Variants in TMEM223 observed in about 807,000 individuals in gnomAD.
TMEM223 encodes transmembrane protein 223.
In TMEM223, 14 loss-of-function variants were observed where a neutral mutation model predicts 14.1. The ratio of observed to expected loss-of-function variants is 0.99; its 90% CI spans 0.66 to 1.55. TMEM223 has a LOEUF of 1.55. Among genes scored for constraint, TMEM223 ranks in the 40% most tolerant of loss-of-function variants. The probability of loss-of-function intolerance (pLI) is 0.00; values close to 1 mark genes in which losing one functional copy is unlikely to be tolerated. For synonymous variants in TMEM223, 145 were observed against 120.5 expected, an observed-to-expected ratio of 1.20 and a Z score of -1.33; for missense variants, 346 against 269.9, an observed-to-expected ratio of 1.28 and a Z score of -1.97.
chr11:62,787,630 G>A (rs2084302930), downstream of TMEM223: 2 of 1,376,238 alleles, frequency 1.5e-6, no homozygotes, highest in Non-Finnish European at 1.9e-6. Flanking sequence ...CTCGGAGCCG[G>A]TGGACCTGGT....
intron 1 of TMEM223, 138 bp downstream of exon 1, chr11:62,791,541 C>T: frequency 1.7e-6 from 2 of 1,146,584 alleles, no homozygotes; most frequent in Admixed American, 2.9e-5. Context: ...CCGCGCCCGG[C>T]CAGTGTTTCA....
Position 62,790,099 on chromosome 11 carries a change from T to TA in TMEM223, c.*523dup. 1 of 1,507,492 alleles carries TA rather than the reference T, an allele frequency of 6.6e-7. No individual in the cohort carries two copies. The highest frequency in any genetic ancestry group is 8.9e-7 in the Non-Finnish European group (1 of 1,126,516). The allele number at this position is 1,507,492 out of a possible 1,614,324, so 93.4% of individuals were successfully genotyped here. A position where few individuals can be genotyped will look rare whatever the true frequency, so the allele number is the denominator to read the frequency against. ...CGAAGACTCCATGCCCAAGTGCCTGTAATCCCCCCCCTCAAGGCCCTGTTT... is the reference window on the plus strand; with the variant it reads ...CGAAGACTCCATGCCCAAGTGCCTGTAAATCCCCCCCCTCAAGGCCCTGTTT... On this transcript the variant is annotated 3_prime_UTR_variant, in exon 2 of 2. Coordinates refer to ENST00000307366, the MANE Select transcript of TMEM223 (RefSeq NM_001080501.3).
intron 1 of TMEM223, among the ~76,000 whole-genome samples, chr11:62,779,976 AT>A (rs1277954265): frequency 0.14 from 7,198 of 52,578 alleles, 619 homozygotes; most frequent in South Asian, 0.36. Context: ...ATATATATAT[AT>A]TTTTTTTTTT....
downstream of TMEM223, among the ~76,000 whole-genome samples, chr11:62,788,707 A>G (rs901388031): frequency 1.3e-5 from 2 of 150,494 alleles, no homozygotes; most frequent in African/African-American, 2.4e-5. Flanking sequence ...CCTCACAGAT[A>G]GTTATTTGTT....
downstream of TMEM223, chr11:62,789,691 G>A: frequency 2.0e-6 from 3 of 1,534,572 alleles, no homozygotes; most frequent in Non-Finnish European, 2.6e-6. Context: ...TGAGACCCAA[G>A]GATAGGAGGA....
chr11:62,787,467 G>T, downstream of TMEM223: 1 of 1,576,034 alleles, frequency 6.3e-7, no homozygotes, highest in Non-Finnish European at 8.6e-7. Context: ...TCGAGCTTGC[G>T]CTCTTTGCTG....
downstream of TMEM223, chr11:62,786,349 G>C: frequency 6.2e-7 from 1 of 1,614,134 alleles, no homozygotes; most frequent in Non-Finnish European, 8.5e-7. Flanking sequence ...CTAATGCCCA[G>C]GTCAAAGCAG....
At chr11:62,783,351 G>A (rs556375706), downstream of TMEM223, among the ~76,000 whole-genome samples, 23 of 151,996 alleles carry the variant, frequency 1.5e-4, no homozygotes, top group Non-Finnish European at 3.1e-4. Context: ...GTGTGGTGGC[G>A]GGCGCCTGTA....
At chr11:62,774,685 C>T (rs1343030033) in intron 1 of TMEM223, 2 of 454,592 alleles carry the variant, frequency 4.4e-6, no homozygotes, top group South Asian at 3.1e-5. Flanking sequence ...AAACAGGTTC[C>T]AGCATTTAGG....
At chr11:62,773,599 C>T (rs773812537) in intron 2 of TMEM223, among the ~76,000 whole-genome samples, 4 of 152,078 alleles carry the variant, frequency 2.6e-5, no homozygotes, top group Non-Finnish European at 2.9e-5. Flanking sequence ...AGGCATGTGC[C>T]ACCACACCTG....
chr11:62,778,488 A>G, intron 1 of TMEM223: 1 of 891,132 alleles, frequency 1.1e-6, no homozygotes. Context: ...CTCTGCATGG[A>G]GGGCTCAGAG....
chr11:62,782,037 A>G (rs985648742), intron 1 of TMEM223: 6 of 1,594,934 alleles, frequency 3.8e-6, no homozygotes, highest in Non-Finnish European at 5.1e-6. Flanking sequence ...TGTAGGGCTC[A>G]TGGCAAGTGC....
intron 1 of TMEM223, chr11:62,775,769 A>C: frequency 6.2e-7 from 1 of 1,600,178 alleles, no homozygotes; most frequent in Non-Finnish European, 8.5e-7. Context: ...CTCCACTCCC[A>C]GCTCCACTGG....
downstream of TMEM223, chr11:62,789,069 A>T (rs756835859): frequency 5.6e-6 from 9 of 1,614,116 alleles, no homozygotes; most frequent in Non-Finnish European, 7.6e-6. Flanking sequence ...GCCACCCTGA[A>T]TGGCTCCTCC....
chr11:62,778,460 G>A (rs2084203404), intron 1 of TMEM223: 2 of 1,179,086 alleles, frequency 1.7e-6, no homozygotes, highest in African/African-American at 3.0e-5. Flanking sequence ...TTGTGCCATG[G>A]TCTGAGTGGG....
chr11:62,778,405 T>C, intron 1 of TMEM223: 1 of 1,569,952 alleles, frequency 6.4e-7, no homozygotes. Context: ...GTGGTGCCTA[T>C]GTGCCCCCGA....
At chr11:62,777,061 C>A (rs1219141843) in intron 1 of TMEM223, among the ~76,000 whole-genome samples, 1 of 151,730 alleles carries the variant, frequency 6.6e-6, no homozygotes, top group South Asian at 2.1e-4. Flanking sequence ...GCAGGAGAAT[C>A]GCGTGAACCT....
chr11:62,786,987 G>A, downstream of TMEM223: 7 of 1,476,136 alleles, frequency 4.7e-6, no homozygotes, highest in Non-Finnish European at 5.3e-6. Flanking sequence ...CCGCCTCTGA[G>A]AGCAGGCCCT....
chr11:62,790,431 G>GTT lies in TMEM223; in HGVS notation c.*190_*191dup, dbSNP rs75388959. The GTT allele has an allele frequency of 2.9e-4, 165 of 566,050 alleles. No individual in the cohort carries two copies. The highest frequency in any genetic ancestry group is 7.6e-4 in the East Asian group (24 of 31,650). The allele number at this position is 566,050 out of a possible 1,614,324, so 35.1% of individuals were successfully genotyped here. On this transcript the variant is annotated 3_prime_UTR_variant, in exon 2 of 2. Coordinates refer to ENST00000307366, the MANE Select transcript of TMEM223 (RefSeq NM_001080501.3). ...GTTGTTACTCCATTCTAAGATTGGCGTTTTTTTTTGTTTTTTTTTTTGTAA... is the reference window on the plus strand; with the variant it reads ...GTTGTTACTCCATTCTAAGATTGGCGTTTTTTTTTTTGTTTTTTTTTTTGTAA...
Sources: gnomAD v4.1 joint callset for allele counts (sites outside exome capture counted in the v4.1 genomes callset) on GRCh38, gnomAD v4.1.1 for gene constraint, MANE v1.5 for transcripts, NCBI Gene and HGNC (gene_info 2026-07-23, HGNC 2026-07-21) for gene names.